PPWD1: variants seen among roughly 807,000 people sequenced by gnomAD.
PPWD1 encodes the protein peptidylprolyl isomerase domain and WD repeat containing 1, also known as peptidylprolyl isomerase domain and WD repeat-containing protein 1.
In PPWD1, 43 loss-of-function variants were observed where a neutral mutation model predicts 68.8. That is an observed-to-expected ratio of 0.62 (90% CI 0.49 to 0.81). PPWD1 has a LOEUF of 0.81. Among genes scored for constraint, PPWD1 ranks in the 30% least tolerant of loss-of-function variants. The pLI is 0.00. For missense variants in PPWD1, 672 were observed against 804.8 expected (o/e 0.83, Z 2.00); for synonymous variants, 232 against 258.7 (o/e 0.90, Z 0.99).
intron 1 of PPWD1, chr5:65,563,887 GTGT>G: frequency 7.0e-7 from 1 of 1,438,188 alleles, no homozygotes. Context: ...TTCAGGAGTG[GTGT>G]TAATGTATTA....
chr5:65,582,462 T>A (rs1172910253), intron 7 of PPWD1: 1 of 152,232 alleles, frequency 6.6e-6, no homozygotes, highest in Non-Finnish European at 1.5e-5. Flanking sequence ...GGGGTCCTGC[T>A]CATAGTAGTA....
chr5:65,567,169 T>A (rs456564), intron 1 of PPWD1, among the ~76,000 whole-genome samples: 46,092 of 151,864 alleles, frequency 0.3, 7,327 homozygotes, highest in African/African-American at 0.38. Context: ...TGGAACTTTT[T>A]AATTTTTTTT....
intron 7 of PPWD1, chr5:65,582,596 TA>T (rs1198318700): frequency 1.3e-5 from 2 of 159,814 alleles, no homozygotes; most frequent in Non-Finnish European, 2.8e-5. Flanking sequence ...GTTATCATCA[TA>T]TATGAGTGAG....
chr5:65,587,129 A>T, intron 10 of PPWD1, 124 bp from the exon 11 acceptor site: 1 of 1,050,540 alleles, frequency 9.5e-7, no homozygotes, highest in Non-Finnish European at 1.3e-6. Flanking sequence ...AAATTATTGT[A>T]CTTCTTTTTA....
At chr5:65,572,317 ACTTTT>A in intron 5 of PPWD1, 31 bp downstream of exon 5, 1 of 1,532,910 alleles carries the variant, frequency 6.5e-7, no homozygotes, top group Non-Finnish European at 8.8e-7. Context: ...ACCGTACTTT[ACTTTT>A]CTAAAAATGC....
intron 7 of PPWD1, among the ~76,000 whole-genome samples, chr5:65,581,199 AATT>A (rs970895040): frequency 6.6e-6 from 1 of 152,238 alleles, no homozygotes. Flanking sequence ...CACCTTTCAA[AATT>A]ATTACTAAAA....
chr5:65,585,544 T>C (rs1168149334), intron 9 of PPWD1, among the ~76,000 whole-genome samples: 1 of 151,902 alleles, frequency 6.6e-6, no homozygotes, highest in Non-Finnish European at 1.5e-5. Flanking sequence ...TTCCATAAAG[T>C]GGATGGGGCA....
At chr5:65,579,657 G>A (rs370712428) in intron 7 of PPWD1, 44 bp downstream of exon 7, 10 of 1,343,124 alleles carry the variant, frequency 7.4e-6, no homozygotes, top group African/African-American at 4.5e-5. Flanking sequence ...GTTCCTTCCA[G>A]TTTGGTTTGA....
chr5:65,566,095 T>A (rs1430636352), intron 1 of PPWD1, among the ~76,000 whole-genome samples: 2 of 152,216 alleles, frequency 1.3e-5, no homozygotes, highest in African/African-American at 4.8e-5. Flanking sequence ...ACGTATTGTG[T>A]TCTTAGTAAG....
rs748272250 is a variant in PPWD1, at chr5:65,586,095, C to T, written c.1711C>T (p.Arg571Ter). 23 of 1,613,424 alleles carry T rather than the reference C, an allele frequency of 1.4e-5. No homozygotes were observed. Among genetic ancestry groups the T allele is most frequent in the Non-Finnish European group, 1.6e-5 (19 of 1,179,614 alleles). ...TGAAGATGAATTTCATTCAACATTA[C>T]GACATGACAGGCCATACACACTCAG... Reference protein sequence around the residue: ...EFEDEFHSTLRHDRPYTLSMA... With the variant: ...EFEDEFHSTL The change falls in exon 10 of 11, where the codon CGA becomes TGA. Residue 571 changes from arginine (R) to a stop codon, truncating the protein, a stop_gained. Transcript: ENST00000261308. LOFTEE classifies it high-confidence loss of function.
Position 65,579,457 on chromosome 5 carries a change from T to A in PPWD1, c.1194T>A (p.Ile398=). ...CVRILGKQEN[I]RVMQLALFQG... ...GGATTTTAGGCAAACAAGAAAATATTAGAGTGATGCAATTGGCTTTGTTCC... is the reference window on the plus strand; with the variant it reads ...GGATTTTAGGCAAACAAGAAAATATAAGAGTGATGCAATTGGCTTTGTTCC... Residue 398 remains isoleucine (I), a synonymous_variant, in exon 7 of 11, where the codon ATT becomes ATA. Transcript: ENST00000261308. The A allele has an allele frequency of 6.3e-7, 1 of 1,590,234 alleles. No individual in the cohort carries two copies. The highest frequency in any genetic ancestry group is 8.5e-7 in the Non-Finnish European group (1 of 1,171,272).
At chr5:65,573,374 C>T (rs1753101676) in intron 5 of PPWD1, among the ~76,000 whole-genome samples, 1 of 147,634 alleles carries the variant, frequency 6.8e-6, no homozygotes, top group East Asian at 1.9e-4. Flanking sequence ...CTCACTGCAA[C>T]CTCCGCCCCC....
intron 2 of PPWD1, chr5:65,569,058 G>A (rs1350562066): frequency 6.6e-6 from 3 of 454,818 alleles, no homozygotes; most frequent in Admixed American, 4.7e-5. Flanking sequence ...AATACGTAGA[G>A]TTGCTGTAAA....
chr5:65,576,807 T>C lies in PPWD1; in HGVS notation c.970-72T>C, dbSNP rs1753307544. 2.0e-6 allele frequency: 3 copies of C among 1,515,704 alleles called. No homozygotes were observed. The African/African-American group carries it at 4.2e-5, about 21-fold the overall frequency. 93.9% of individuals were successfully genotyped at this position (1,515,704 alleles called of 1,614,324 possible). On this transcript the variant is annotated intron_variant, in intron 5 of 10. Transcript: ENST00000261308. ...TCTATTTAAATTCTCATTGCATATA[T>C]AGATAGATGGGTTGATATAGATATA...
Position 65,586,172 on chromosome 5 carries a change from A to G in PPWD1, c.1788A>G (p.Val596=), listed in dbSNP as rs1294703861. 1 of 1,612,298 alleles carries G rather than the reference A, an allele frequency of 6.2e-7. No homozygotes were observed. Among genetic ancestry groups the G allele is most frequent in the African/African-American group, 1.3e-5 (1 of 74,876 alleles). ...NTNGSQFFIT[V]VPTPWLDNKH... Reference sequence around the variant, plus strand: ...ATGGATCCCAGTTTTTCATAACGGTAGTACCAACGGTAAGTACAGTATCAT... The same window carrying G: ...ATGGATCCCAGTTTTTCATAACGGTGGTACCAACGGTAAGTACAGTATCAT... The change falls in exon 10 of 11, where the codon GTA becomes GTG. Residue 596 remains valine (V), a synonymous_variant. Coordinates refer to ENST00000261308, the MANE Select transcript of PPWD1 (RefSeq NM_015342.4).
chr5:65,583,125 G>T lies in PPWD1; in HGVS notation c.1438G>T (p.Ala480Ser). Residue 480 changes from alanine (A) to serine (S), a missense_variant, in exon 8 of 11, where the codon GCA (alanine) becomes TCA (serine). Ala to Ser is a moderately conservative substitution (Grantham distance 99). Coordinates refer to ENST00000261308, the MANE Select transcript of PPWD1 (RefSeq NM_015342.4). ...GAAACCTTCTAAAGAAGAAGTCATGGCAGCTACTCAAGCTGAAGGACCTAA... is the reference window on the plus strand; with the variant it reads ...GAAACCTTCTAAAGAAGAAGTCATGTCAGCTACTCAAGCTGAAGGACCTAA... ...NEKPSKEEVM[A>S]ATQAEGPKRV... is the part of the protein sequence containing the mutation. The T allele has an allele frequency of 6.2e-7, 1 of 1,613,684 alleles. No homozygotes were observed. The highest frequency in any genetic ancestry group is 1.3e-5 in the African/African-American group (1 of 75,018).
chr5:65,567,426 G>A (rs1209426166), intron 1 of PPWD1, 87 bp from the exon 2 acceptor site: 4 of 1,402,458 alleles, frequency 2.9e-6, no homozygotes, highest in Non-Finnish European at 1.9e-6. Flanking sequence ...CAAGTAGAGT[G>A]TAGACAATTT....
intron 1 of PPWD1, among the ~76,000 whole-genome samples, chr5:65,565,543 C>T (rs1752709895): frequency 6.6e-6 from 1 of 152,016 alleles, no homozygotes; most frequent in South Asian, 2.1e-4. Flanking sequence ...GTGGCTGATG[C>T]CTGTAATCCT....
In PPWD1 at chr5:65,573,481, T is replaced by TATATAA. The variant is rs1304267719; in HGVS notation, c.969+1195_969+1196insATATAA. Among the ~76,000 whole-genome samples, 298 of 93,432 alleles carry TATATAA rather than the reference T, an allele frequency of 3.2e-3. 17 individuals carry two copies. Among genetic ancestry groups the TATATAA allele is most frequent in the Middle Eastern group, 0.012 (2 of 164 alleles). The allele number at this position is 93,432 out of a possible 152,430, so 61.3% of individuals were successfully genotyped here. The stretch of plus-strand genomic sequence containing the variant: ...CTAATATATATATATATATATTTTT[T>TATATAA]TTTTATTAGAGATGGGTTTTTTTTA... On this transcript the variant is annotated intron_variant, in intron 5 of 10. Transcript: ENST00000261308.
Sources: allele counts gnomAD v4.1 joint callset (sites outside exome capture counted in the v4.1 genomes callset), GRCh38; gene constraint gnomAD v4.1.1; transcripts MANE v1.5; gene names NCBI Gene and HGNC (gene_info 2026-07-23, HGNC 2026-07-21).